TMPPE: variants seen among roughly 807,000 people sequenced by gnomAD.
TMPPE encodes transmembrane protein with metallophosphoesterase domain.
Under a neutral mutation model 22.6 loss-of-function variants are expected in TMPPE, and 16 were observed. The observed-to-expected ratio is 0.71, with a 90% CI of 0.48 to 1.08. The LOEUF is 1.08. Ranked by LOEUF, TMPPE falls within the 50% of genes least tolerant of loss-of-function variation. The pLI, the probability that TMPPE is intolerant of heterozygous loss-of-function variation, is 0.00. For missense variants in TMPPE, 526 were observed against 584.3 expected (o/e 0.90, Z 1.03); for synonymous variants, 240 against 245.3 (o/e 0.98, Z 0.20).
chr3:33,094,285 G>T lies in TMPPE; in HGVS notation c.-90C>A. The T allele has an allele frequency of 1.3e-6, 2 of 1,512,440 alleles. No individual in the cohort carries two copies. Among genetic ancestry groups the T allele is most frequent in the East Asian group, 2.3e-5 (1 of 43,848 alleles). 93.7% of individuals were successfully genotyped at this position (1,512,440 alleles called of 1,614,324 possible). On this transcript the variant is annotated 5_prime_UTR_variant, in exon 2 of 2. Transcript: ENST00000342462. ...TAGAAAGGACAGTGGCCAAGGAGAGGTTTCCAGGTCAACTCCGCCTGCAAC... is the reference window on the plus strand; with the variant it reads ...TAGAAAGGACAGTGGCCAAGGAGAGTTTTCCAGGTCAACTCCGCCTGCAAC...
rs1176295497 is a variant in TMPPE, at chr3:33,092,141, T to C, written c.*693A>G. 7 of 985,522 alleles carry C rather than the reference T, an allele frequency of 7.1e-6. No homozygotes were observed. The highest frequency in any genetic ancestry group is 5.2e-4 in the Middle Eastern group (1 of 1,916). The allele number at this position is 985,522 out of a possible 1,614,324, so 61.0% of individuals were successfully genotyped here. On this transcript the variant is annotated 3_prime_UTR_variant, in exon 2 of 2. Coordinates refer to ENST00000342462, the MANE Select transcript of TMPPE (RefSeq NM_001039770.3). Reference sequence around the variant, plus strand: ...GCCATGTTCTCACCATCACCGACCATGGCGCCCACCGTTCTTCTCCCCTGA... The same window carrying C: ...GCCATGTTCTCACCATCACCGACCACGGCGCCCACCGTTCTTCTCCCCTGA...
At position 33,097,083 on chromosome 3, in the gene TMPPE, C is replaced by T. The variant is rs780109160; in HGVS notation, c.-473G>A. On this transcript the variant is annotated 5_prime_UTR_variant, in exon 1 of 2. The change abolishes an upstream ATG in the 5' untranslated region. Transcript: ENST00000342462. The stretch of plus-strand genomic sequence containing the variant: ...GGAGGATGCGAACCAGGAACCCCGG[C>T]ATGACCACCAGCCTCCCGGCTCTGC... The T allele has an allele frequency of 6.2e-7, 1 of 1,612,514 alleles. No individual in the cohort carries two copies. Among genetic ancestry groups the T allele is most frequent in the South Asian group, 1.1e-5 (1 of 90,918 alleles).
chr3:33,091,696 A>C lies in TMPPE; in HGVS notation c.*1138T>G. 1.0e-6 allele frequency: 1 copy of C among 985,278 alleles called. No individual in the cohort carries two copies. Among genetic ancestry groups the C allele is most frequent in the Non-Finnish European group, 1.2e-6 (1 of 829,866 alleles). The allele number at this position is 985,278 out of a possible 1,614,324, so 61.0% of individuals were successfully genotyped here. ...AACCAAGGCTGAGTGAGGGAAAGTC[A>C]CCCACCCAACGCTGCCCTATGAGTG... On this transcript the variant is annotated 3_prime_UTR_variant, in exon 2 of 2. Coordinates refer to ENST00000342462, the MANE Select transcript of TMPPE (RefSeq NM_001039770.3).
In TMPPE at chr3:33,092,727, C is replaced by T. The variant is rs988783630; in HGVS notation, c.*107G>A. The T allele has an allele frequency of 6.7e-7, 1 of 1,491,086 alleles. No individual in the cohort carries two copies. The highest frequency in any genetic ancestry group is 8.9e-7 in the Non-Finnish European group (1 of 1,124,268). The allele number at this position is 1,491,086 out of a possible 1,614,324, so 92.4% of individuals were successfully genotyped here. ...AGGCTTGTGACCAAGGGTGTGTAGGCAAGGATGAGTGGGCAAGGCTGGAGG... is the reference window on the plus strand; with the variant it reads ...AGGCTTGTGACCAAGGGTGTGTAGGTAAGGATGAGTGGGCAAGGCTGGAGG... On this transcript the variant is annotated 3_prime_UTR_variant, in exon 2 of 2. Transcript: ENST00000342462.
chr3:33,097,135 C>T lies in TMPPE; in HGVS notation c.-525G>A. The T allele has an allele frequency of 1.2e-6, 2 of 1,602,240 alleles. No individual in the cohort carries two copies. The highest frequency in any genetic ancestry group is 1.1e-5 in the South Asian group (1 of 89,776). On this transcript the variant is annotated 5_prime_UTR_variant, in exon 1 of 2. Coordinates refer to ENST00000342462, the MANE Select transcript of TMPPE (RefSeq NM_001039770.3). ...GTCGGCGCCCAGGCCGGCCGCTTCG[C>T]GTCACTTGACTAAGGACCCACGGCC...
intron 1 of TMPPE, among the ~76,000 whole-genome samples, chr3:33,094,602 C>T (rs575324672): frequency 3.9e-5 from 6 of 152,278 alleles, no homozygotes; most frequent in South Asian, 2.1e-4. Flanking sequence ...TGGAGAGAGC[C>T]CTTCAGGGGT....
rs372500334 is a variant in TMPPE, at chr3:33,093,495, T to G, written c.701A>C (p.Asn234Thr). The G allele has an allele frequency of 6.2e-7, 1 of 1,614,058 alleles. No homozygotes were observed. Among genetic ancestry groups the G allele is most frequent in the African/African-American group, 1.3e-5 (1 of 74,920 alleles). ...TKMEMFVRMVNVLEPDITVIV... is the reference protein window; with the variant it reads ...TKMEMFVRMVTVLEPDITVIV... ...CACCGTGATGTCTGGTTCCAGCACA[T>G]TCACCATCCTCACAAACATTTCCAT... The change falls in exon 2 of 2, where the codon AAT (asparagine) becomes ACT (threonine). Residue 234 changes from asparagine (N) to threonine (T), a missense_variant. Transcript: ENST00000342462. This position sits in a 1 kb window ranked among gnomAD's most constrained non-coding sequence, Gnocchi z 6.0.
Position 33,090,609 on chromosome 3 carries a change from C to G in TMPPE, c.*2225G>C. 4 of 985,362 alleles carry G rather than the reference C, an allele frequency of 4.1e-6. No homozygotes were observed. The highest frequency in any genetic ancestry group is 4.8e-6 in the Non-Finnish European group (4 of 829,918). 61.0% of individuals were successfully genotyped at this position (985,362 alleles called of 1,614,324 possible). On this transcript the variant is annotated 3_prime_UTR_variant, in exon 2 of 2. Transcript: ENST00000342462. ...TAACGTTTCTCACCACCTCCCCCGG[C>G]CACAAACAAACAAAAAGGTCCATGG...
rs1700713424 is a variant in TMPPE at position 33,090,653 on chromosome 3, A to G, written c.*2181T>C. 8.1e-6 allele frequency: 8 copies of G among 985,372 alleles called. No individual in the cohort carries two copies. The highest frequency in any genetic ancestry group is 9.6e-6 in the Non-Finnish European group (8 of 829,940). 61.0% of individuals were successfully genotyped at this position (985,372 alleles called of 1,614,324 possible). ...TCCATGGTTTAAGAATGTTGAACAA[A>G]GGGACTAAAGGTGTCATGGAGACCT... On this transcript the variant is annotated 3_prime_UTR_variant, in exon 2 of 2. Transcript: ENST00000342462.
rs1328877360 is a variant in TMPPE at position 33,096,988 on chromosome 3, G to A, written c.-378C>T. The A allele has an allele frequency of 1.2e-6, 2 of 1,609,634 alleles. No individual in the cohort carries two copies. The highest frequency in any genetic ancestry group is 2.2e-5 in the East Asian group (1 of 44,572). On this transcript the variant is annotated 5_prime_UTR_variant, in exon 1 of 2. The change creates a new upstream start codon in the 5' untranslated region. Coordinates refer to ENST00000342462, the MANE Select transcript of TMPPE (RefSeq NM_001039770.3). ...GCCTGTCCCCTAGCAATGCCTCCCC[G>A]TACCCGGGTCCCGCAGACTTACGCG...
rs1700722531 is a variant in TMPPE at position 33,090,760 on chromosome 3, A to G, written c.*2074T>C. On this transcript the variant is annotated 3_prime_UTR_variant, in exon 2 of 2. Transcript: ENST00000342462. ...CGCCGCGTCAGGGAATACAAACCAC[A>G]TACGAGAGGGTGTTGATGTTGTTTC... 1.0e-6 allele frequency: 1 copy of G among 985,420 alleles called. No individual in the cohort carries two copies. The highest frequency in any genetic ancestry group is 4.7e-5 in the South Asian group (1 of 21,286). The allele number at this position is 985,420 out of a possible 1,614,324, so 61.0% of individuals were successfully genotyped here.
At position 33,090,547 on chromosome 3, in the gene TMPPE, G is replaced by C; in HGVS notation, c.*2287C>G. The C allele has an allele frequency of 2.0e-6, 2 of 985,312 alleles. No individual in the cohort carries two copies. Among genetic ancestry groups the C allele is most frequent in the Non-Finnish European group, 2.4e-6 (2 of 829,906 alleles). 61.0% of individuals were successfully genotyped at this position (985,312 alleles called of 1,614,324 possible). A position where few individuals can be genotyped will look rare whatever the true frequency, so the allele number is the denominator to read the frequency against. ...TTGCATCTAACAGATTAAAAATAAAGAAACAAATGAAATTGAAAGAATGAT... is the reference window on the plus strand; with the variant it reads ...TTGCATCTAACAGATTAAAAATAAACAAACAAATGAAATTGAAAGAATGAT... On this transcript the variant is annotated 3_prime_UTR_variant, in exon 2 of 2. Transcript: ENST00000342462.
At position 33,090,600 on chromosome 3, in the gene TMPPE, C is replaced by T; in HGVS notation, c.*2234G>A. 3 of 985,338 alleles carry T rather than the reference C, an allele frequency of 3.0e-6. No homozygotes were observed. Among genetic ancestry groups the T allele is most frequent in the Non-Finnish European group, 3.6e-6 (3 of 829,912 alleles). The allele number at this position is 985,338 out of a possible 1,614,324, so 61.0% of individuals were successfully genotyped here. A position where few individuals can be genotyped will look rare whatever the true frequency, so the allele number is the denominator to read the frequency against. On this transcript the variant is annotated 3_prime_UTR_variant, in exon 2 of 2. Transcript: ENST00000342462. ...AGCTTCAAGTAACGTTTCTCACCACCTCCCCCGGCCACAAACAAACAAAAA... is the reference window on the plus strand; with the variant it reads ...AGCTTCAAGTAACGTTTCTCACCACTTCCCCCGGCCACAAACAAACAAAAA...
rs1700866071 is a variant in TMPPE at position 33,093,543 on chromosome 3, C to T, written c.653G>A (p.Gly218Asp). Residue 218 changes from glycine to aspartate, a missense_variant, in exon 2 of 2, where the codon GGC becomes GAC. Coordinates refer to ENST00000342462, the MANE Select transcript of TMPPE (RefSeq NM_001039770.3). This position sits in a 1 kb window ranked among gnomAD's most constrained non-coding sequence, Gnocchi z 6.0. ...KIVLLSDIHL[G>D]PTVGRTKMEM... Reference sequence around the variant, plus strand: ...CATCTTGGTCCTGCCCACTGTGGGGCCCAAGTGAATGTCTGAGAGGAGCAC... The same window carrying T: ...CATCTTGGTCCTGCCCACTGTGGGGTCCAAGTGAATGTCTGAGAGGAGCAC... 1.2e-6 allele frequency: 2 copies of T among 1,614,190 alleles called. No individual in the cohort carries two copies. The highest frequency in any genetic ancestry group is 1.7e-6 in the Non-Finnish European group (2 of 1,180,024).
chr3:33,096,780 G>A lies in TMPPE; in HGVS notation c.-170C>T, dbSNP rs967914090. ...TCCAAGCGCAAAGGGCGGCCGGAGC[G>A]GAACGCACAAGCGACCGAGCTGCCT... On this transcript the variant is annotated 5_prime_UTR_variant, in exon 1 of 2. Coordinates refer to ENST00000342462, the MANE Select transcript of TMPPE (RefSeq NM_001039770.3). 3.7e-4 allele frequency: 498 copies of A among 1,334,846 alleles called. No homozygotes were observed. Among genetic ancestry groups the A allele is most frequent in the Non-Finnish European group, 4.3e-4 (454 of 1,047,212 alleles). 82.7% of individuals were successfully genotyped at this position (1,334,846 alleles called of 1,614,324 possible).
intron 1 of TMPPE, chr3:33,096,254 G>T: frequency 2.6e-6 from 1 of 378,150 alleles, no homozygotes; most frequent in Non-Finnish European, 3.6e-6. Context: ...GCGCTTTGGA[G>T]CCCCTCAGCC....
Position 33,092,017 on chromosome 3 carries a change from T to C in TMPPE, c.*817A>G. Reference sequence around the variant, plus strand: ...CCTATCTCTCTTTGCCTTGGTTTCCTTATCTCCAAATAGGGAAAAGCAGCC... The same window carrying C: ...CCTATCTCTCTTTGCCTTGGTTTCCCTATCTCCAAATAGGGAAAAGCAGCC... On this transcript the variant is annotated 3_prime_UTR_variant, in exon 2 of 2. Coordinates refer to ENST00000342462, the MANE Select transcript of TMPPE (RefSeq NM_001039770.3). The C allele has an allele frequency of 1.0e-6, 1 of 984,572 alleles. No homozygotes were observed. The highest frequency in any genetic ancestry group is 1.2e-6 in the Non-Finnish European group (1 of 829,136). The allele number at this position is 984,572 out of a possible 1,614,324, so 61.0% of individuals were successfully genotyped here.
chr3:33,096,951 G>A lies in TMPPE; in HGVS notation c.-341C>T, dbSNP rs901803596. ...CCGCGGGTGGCTGCGACCCCAGCCC[G>A]GTTCCCCGCCAGCCTGTCCCCTAGC... On this transcript the variant is annotated 5_prime_UTR_variant, in exon 1 of 2. Coordinates refer to ENST00000342462, the MANE Select transcript of TMPPE (RefSeq NM_001039770.3). The A allele has an allele frequency of 4.4e-6, 7 of 1,582,330 alleles. No individual in the cohort carries two copies. In the African/African-American group the frequency reaches 8.2e-5, roughly 19 times the overall value.
chr3:33,094,356 C>CTGT, intron 1 of TMPPE, 53 bp from the exon 2 acceptor site: 2 of 1,390,288 alleles, frequency 1.4e-6, no homozygotes, highest in Non-Finnish European at 1.9e-6. Flanking sequence ...GTCCTTGTAC[C>CTGT]CATTCAAAAC....
Sources: gnomAD v4.1 joint callset for allele counts (sites outside exome capture counted in the v4.1 genomes callset) on GRCh38, gnomAD v4.1.1 for gene constraint, Gnocchi (gnomAD v3.1) non-coding constraint, MANE v1.5 for transcripts, NCBI Gene and HGNC (gene_info 2026-07-23, HGNC 2026-07-21) for gene names.